Variants in PPP1R13B observed in about 807,000 individuals in gnomAD.
The protein encoded by PPP1R13B is protein phosphatase 1 regulatory subunit 13B.
A neutral mutation model predicts 119.8 loss-of-function variants in PPP1R13B; 44 were observed. That is an observed-to-expected ratio of 0.37 (90% CI 0.29 to 0.47). The LOEUF (loss-of-function observed/expected upper bound fraction) is 0.47, where lower values mean the gene tolerates loss of function less well. Among genes scored for constraint, PPP1R13B ranks in the 20% least tolerant of loss-of-function variants. The pLI is 0.99. For synonymous variants in PPP1R13B, 542 were observed against 561.5 expected, an observed-to-expected ratio of 0.97 and a Z score of 0.49; for missense variants, 1,227 against 1,413.5, an observed-to-expected ratio of 0.87 and a Z score of 2.12.
Position 103,745,828 on chromosome 14 carries a change from G to C in PPP1R13B, c.1150+545C>G, listed in dbSNP as rs1232526786. On this transcript the variant is annotated intron_variant, in intron 9 of 16. Transcript: ENST00000202556. ...TGTTTTGTTTTGTTTTGTTTTTTTTGAGATGAAGTTTCACTCTTGTTGCCC... is the reference window on the plus strand; with the variant it reads ...TGTTTTGTTTTGTTTTGTTTTTTTTCAGATGAAGTTTCACTCTTGTTGCCC... 2.6e-5 allele frequency among the ~76,000 whole-genome samples: 4 copies of C among 151,754 alleles called. No individual in the cohort carries two copies. In the South Asian group the frequency reaches 8.3e-4, roughly 32 times the overall value.
chr14:103,776,871 C>CA (rs202043897), intron 4 of PPP1R13B, among the ~76,000 whole-genome samples: 1,263 of 101,654 alleles, frequency 0.012, 4 homozygotes, highest in East Asian at 0.029. Flanking sequence ...GACTCTGCCT[C>CA]AAAAAAAAAA....
chr14:103,784,707 G>T, intron 3 of PPP1R13B, 88 bp downstream of exon 3: 1 of 1,315,764 alleles, frequency 7.6e-7, no homozygotes. Flanking sequence ...GGCCGGGTGT[G>T]TGTGAATAAT....
chr14:103,831,602 T>C (rs2086665713), intron 1 of PPP1R13B, among the ~76,000 whole-genome samples: 1 of 149,338 alleles, frequency 6.7e-6, no homozygotes, highest in Non-Finnish European at 1.5e-5. Context: ...TGAGCCACCA[T>C]GCTCGGCCTC....
In PPP1R13B at chr14:103,740,170, T is replaced by G. The variant is rs201693001; in HGVS notation, c.2246A>C (p.Gln749Pro). The change falls in exon 12 of 17, where the codon CAG becomes CCG. Residue 749 changes from glutamine (Q) to proline (P), a missense_variant. Physicochemically the swap from Gln to Pro is moderately conservative, Grantham distance 76. Transcript: ENST00000202556. This position sits in a 1 kb window ranked among gnomAD's most constrained non-coding sequence, Gnocchi z 4.6. ...GTPFYQPSPS[Q>P]DFMGTLADVD... ...ATCGGCCAAGGTGCCCATGAAGTCC[T>G]GGGAGGGGCTGGGCTGGTAGAAAGG... 6.2e-7 allele frequency: 1 copy of G among 1,613,726 alleles called. No homozygotes were observed. The highest frequency in any genetic ancestry group is 8.5e-7 in the Non-Finnish European group (1 of 1,180,004).
intron 1 of PPP1R13B, among the ~76,000 whole-genome samples, chr14:103,837,622 G>C (rs993648792): frequency 2.0e-5 from 3 of 151,676 alleles, no homozygotes; most frequent in Non-Finnish European, 4.4e-5. Context: ...CTCTCCATCC[G>C]ATCTATTTAC....
At position 103,752,534 on chromosome 14, in the gene PPP1R13B, C is replaced by CTTTTT. The variant is rs35277937; in HGVS notation, c.828+461_828+465dup. 7.9e-5 allele frequency among the ~76,000 whole-genome samples: 10 copies of CTTTTT among 126,284 alleles called. 1 individual carries two copies. Among genetic ancestry groups the CTTTTT allele is most frequent in the African/African-American group, 1.8e-4 (6 of 32,872 alleles). 82.8% of individuals were successfully genotyped at this position (126,284 alleles called of 152,430 possible). A position where few individuals can be genotyped will look rare whatever the true frequency, so the allele number is the denominator to read the frequency against. ...AATTGTACGCTGTGTGAATTAGATC[C>CTTTTT]TTTTTTTTTTTTTTTTTTGAGACAG... is the stretch of plus-strand genomic sequence containing the variant. On this transcript the variant is annotated intron_variant, in intron 7 of 16. Coordinates refer to ENST00000202556, the MANE Select transcript of PPP1R13B (RefSeq NM_015316.3).
chr14:103,848,477 C>T, upstream of PPP1R13B: 1 of 985,482 alleles, frequency 1.0e-6, no homozygotes, highest in Non-Finnish European at 1.2e-6. Context: ...GCTCGGGGCC[C>T]CCCACATGGT....
intron 4 of PPP1R13B, chr14:103,764,580 G>T: frequency 5.4e-6 from 1 of 186,656 alleles, no homozygotes; most frequent in Non-Finnish European, 1.2e-5. Context: ...ACCCTGTTAA[G>T]TTGATATGAA....
chr14:103,814,930 G>C (rs2152063148), intron 1 of PPP1R13B, among the ~76,000 whole-genome samples: 1 of 150,536 alleles, frequency 6.6e-6, no homozygotes, highest in Admixed American at 6.7e-5. Context: ...GGGCGACAGA[G>C]CAAGACTCCG....
At chr14:103,736,372 A>T (rs1595701468) in intron 15 of PPP1R13B, 170 bp from the exon 16 acceptor site, 1 of 653,722 alleles carries the variant, frequency 1.5e-6, no homozygotes, top group Admixed American at 2.7e-5. Flanking sequence ...CCCACCCGAT[A>T]CCTCCCCTGC....
At chr14:103,790,151 C>A (rs1198316050) in intron 2 of PPP1R13B, among the ~76,000 whole-genome samples, 1 of 150,402 alleles carries the variant, frequency 6.6e-6, no homozygotes, top group Non-Finnish European at 1.5e-5. Context: ...GAGGCTGAGG[C>A]AGGAGAATTG....
At chr14:103,843,638 T>A (rs2086958659) in intron 1 of PPP1R13B, among the ~76,000 whole-genome samples, 1 of 152,132 alleles carries the variant, frequency 6.6e-6, no homozygotes, top group Non-Finnish European at 1.5e-5. Flanking sequence ...AAGGGAAAAT[T>A]CCAAAATATA....
intron 15 of PPP1R13B, 103 bp downstream of exon 15, chr14:103,737,587 AAAAC>A (rs1324109901): frequency 3.6e-6 from 5 of 1,390,866 alleles, no homozygotes; most frequent in African/African-American, 1.5e-5. Flanking sequence ...TGTCTTAAAA[AAAAC>A]AAACAGAAAG....
intron 1 of PPP1R13B, among the ~76,000 whole-genome samples, chr14:103,812,358 T>C (rs1006070709): frequency 6.6e-6 from 1 of 151,680 alleles, no homozygotes; most frequent in African/African-American, 2.4e-5. Context: ...ACTCCTTACA[T>C]TGTGATCCGC....
intron 4 of PPP1R13B, among the ~76,000 whole-genome samples, chr14:103,775,377 C>T (rs774356038): frequency 6.6e-6 from 1 of 151,814 alleles, no homozygotes; most frequent in Non-Finnish European, 1.5e-5. Context: ...TGGGTTCAGG[C>T]GATTCTCCTG....
At chr14:103,785,769 C>G (rs781509963) in intron 2 of PPP1R13B, among the ~76,000 whole-genome samples, 2 of 152,144 alleles carry the variant, frequency 1.3e-5, no homozygotes, top group Non-Finnish European at 2.9e-5. Flanking sequence ...ATCCACCCGC[C>G]TTGGCCTCCC....
At chr14:103,739,299 A>G in intron 12 of PPP1R13B, 1 of 437,640 alleles carries the variant, frequency 2.3e-6, no homozygotes, top group Admixed American at 3.7e-5. Flanking sequence ...ACTCCTCGGA[A>G]GACTCTGTGG....
At chr14:103,750,723 C>T (rs764499205) in intron 7 of PPP1R13B, among the ~76,000 whole-genome samples, 1 of 149,948 alleles carries the variant, frequency 6.7e-6, no homozygotes, top group Non-Finnish European at 1.5e-5. Context: ...CCCAGCTACT[C>T]GGGAGGCTGA....
At chr14:103,747,027 G>A (rs1567090127) in intron 8 of PPP1R13B, 1 of 152,638 alleles carries the variant, frequency 6.6e-6, no homozygotes, top group Non-Finnish European at 1.5e-5. Context: ...AGCCACGTGG[G>A]GCACAGTGAG....
Sources: allele counts gnomAD v4.1 joint callset (sites outside exome capture counted in the v4.1 genomes callset), GRCh38; gene constraint gnomAD v4.1.1; non-coding constraint Gnocchi (gnomAD v3.1); transcripts MANE v1.5; gene names NCBI Gene and HGNC (gene_info 2026-07-23, HGNC 2026-07-21).